Variants in SLC9A9 observed in about 807,000 individuals in gnomAD.
SLC9A9 encodes the protein solute carrier family 9 member A9, also known as sodium/hydrogen exchanger 9.
A neutral mutation model predicts 77.8 loss-of-function variants in SLC9A9; 62 were observed. The observed-to-expected ratio is 0.80, with a 90% CI of 0.65 to 0.98. The LOEUF is 0.98. SLC9A9 is among the 50% of genes least tolerant of loss of function. The pLI is 0.00. For missense variants in SLC9A9, 775 were observed against 774.9 expected, an observed-to-expected ratio of 1.00 and a Z score of 0.00; for synonymous variants, 320 against 283.5, an observed-to-expected ratio of 1.13 and a Z score of -1.29.
intron 11 of SLC9A9, among the ~76,000 whole-genome samples, chr3:143,489,665 T>C (rs1344878493): frequency 1.3e-5 from 2 of 151,818 alleles, no homozygotes; most frequent in African/African-American, 4.8e-5. Context: ...AAAGAAAAAA[T>C]AGACAAATTA....
chr3:143,454,309 T>G (rs1014963768), intron 12 of SLC9A9, among the ~76,000 whole-genome samples: 25 of 152,196 alleles, frequency 1.6e-4, no homozygotes, highest in Middle Eastern at 3.2e-3. Flanking sequence ...TGTATTTTCA[T>G]TCTCTGAACA....
At chr3:143,662,610 C>T (rs1181676830) in intron 5 of SLC9A9, among the ~76,000 whole-genome samples, 3 of 152,036 alleles carry the variant, frequency 2.0e-5, no homozygotes, top group African/African-American at 4.8e-5. Flanking sequence ...TAATACTGTG[C>T]TTTTCCAAAG....
intron 4 of SLC9A9, among the ~76,000 whole-genome samples, chr3:143,693,554 A>G (rs1296701914): frequency 3.3e-5 from 5 of 152,188 alleles, no homozygotes; most frequent in African/African-American, 9.6e-5. Flanking sequence ...GTATATTCCA[A>G]TGAAAACAAG....
At chr3:143,651,696 C>A (rs536513134) in intron 6 of SLC9A9, among the ~76,000 whole-genome samples, 71 of 152,300 alleles carry the variant, frequency 4.7e-4, no homozygotes, top group Middle Eastern at 3.4e-3. Context: ...CTCATCCCCC[C>A]ACCCTAATAT....
At chr3:143,445,241 G>A (rs1002180112) in intron 12 of SLC9A9, among the ~76,000 whole-genome samples, 4 of 152,178 alleles carry the variant, frequency 2.6e-5, no homozygotes, top group African/African-American at 7.2e-5. Flanking sequence ...TCTTAGATGT[G>A]AGTCAGACAG....
chr3:143,781,080 A>T (rs557350230), intron 4 of SLC9A9, among the ~76,000 whole-genome samples: 63 of 152,286 alleles, frequency 4.1e-4, no homozygotes, highest in African/African-American at 1.2e-3. Flanking sequence ...TGCATTAATT[A>T]GTGTGGTACA....
At chr3:143,636,365 TC>T (rs1295796163) in intron 6 of SLC9A9, among the ~76,000 whole-genome samples, 1 of 152,240 alleles carries the variant, frequency 6.6e-6, no homozygotes, top group African/African-American at 2.4e-5. Context: ...TAGCCAGATT[TC>T]CGATTTCTCT....
chr3:143,700,381 C>A (rs1206089389), intron 4 of SLC9A9, among the ~76,000 whole-genome samples: 3 of 152,082 alleles, frequency 2.0e-5, no homozygotes, highest in Admixed American at 2.0e-4. Context: ...ACCAGGCAGA[C>A]TCTTGGGCTC....
intron 4 of SLC9A9, among the ~76,000 whole-genome samples, chr3:143,715,451 T>C (rs16854176): frequency 0.034 from 5,220 of 152,312 alleles, 292 homozygotes; most frequent in African/African-American, 0.12. Context: ...AAGGAAACCA[T>C]CCTGGACTCT....
chr3:143,745,376 T>C lies in SLC9A9; in HGVS notation c.533+49625A>G, dbSNP rs567520388. Among the ~76,000 whole-genome samples the C allele has an allele frequency of 5.3e-5, 8 of 152,354 alleles. No individual in the cohort carries two copies. The South Asian group carries it at 1.5e-3, about 28-fold the overall frequency. On this transcript the variant is annotated intron_variant, in intron 4 of 15. Coordinates refer to ENST00000316549, the MANE Select transcript of SLC9A9 (RefSeq NM_173653.4). ...GACATGTTTGAATAACTAGTTTAAA[T>C]TGTCACCACAATTTTATCTCTTGGG...
intron 12 of SLC9A9, among the ~76,000 whole-genome samples, chr3:143,460,946 G>A (rs2035179690): frequency 6.6e-6 from 1 of 152,144 alleles, no homozygotes; most frequent in Non-Finnish European, 1.5e-5. Flanking sequence ...ATAAAAGGCA[G>A]TACCAGGTAT....
chr3:143,497,991 G>C (rs2035864937), intron 9 of SLC9A9, among the ~76,000 whole-genome samples: 2 of 152,086 alleles, frequency 1.3e-5, no homozygotes, highest in Admixed American at 1.3e-4. Flanking sequence ...GAGATGTGAT[G>C]GGAATCTTTG....
intron 14 of SLC9A9, among the ~76,000 whole-genome samples, chr3:143,310,516 A>G (rs1318248841): frequency 6.7e-6 from 1 of 149,660 alleles, no homozygotes; most frequent in Non-Finnish European, 1.5e-5. Context: ...ACAAAACCAG[A>G]AAGTCTTCTA....
chr3:143,633,858 G>T (rs2038468065), intron 6 of SLC9A9, among the ~76,000 whole-genome samples: 1 of 152,108 alleles, frequency 6.6e-6, no homozygotes, highest in Non-Finnish European at 1.5e-5. Context: ...ATTGAGCTCT[G>T]TAATCCTTCT....
At chr3:143,606,702 C>T (rs1245003307) in intron 6 of SLC9A9, among the ~76,000 whole-genome samples, 1 of 151,170 alleles carries the variant, frequency 6.6e-6, no homozygotes, top group Non-Finnish European at 1.5e-5. Context: ...ATTGAAAACT[C>T]AGTTGGCACA....
intron 13 of SLC9A9, among the ~76,000 whole-genome samples, chr3:143,364,685 A>G (rs976095311): frequency 2.6e-5 from 4 of 152,194 alleles, no homozygotes; most frequent in Admixed American, 2.6e-4. Context: ...CTTCCGTTCT[A>G]TCCCCCGCAA....
At chr3:143,764,865 C>T (rs2007249197) in intron 4 of SLC9A9, among the ~76,000 whole-genome samples, 1 of 152,154 alleles carries the variant, frequency 6.6e-6, no homozygotes, top group Admixed American at 6.6e-5. Context: ...GTGCGAGCCA[C>T]CAGGCCTGGC....
chr3:143,809,146 T>C (rs920982558), intron 2 of SLC9A9, among the ~76,000 whole-genome samples: 2 of 152,188 alleles, frequency 1.3e-5, no homozygotes, highest in Non-Finnish European at 2.9e-5. Flanking sequence ...GATGAAGCAG[T>C]GCAGCTGTGA....
At chr3:143,313,538 T>C (rs940588016) in intron 14 of SLC9A9, among the ~76,000 whole-genome samples, 1 of 152,156 alleles carries the variant, frequency 6.6e-6, no homozygotes, top group African/African-American at 2.4e-5. Context: ...TGACAGCCTT[T>C]TTGGTCATAA....
Sources: gnomAD v4.1 joint callset for allele counts (sites outside exome capture counted in the v4.1 genomes callset) on GRCh38, gnomAD v4.1.1 for gene constraint, MANE v1.5 for transcripts, NCBI Gene and HGNC (gene_info 2026-07-23, HGNC 2026-07-21) for gene names.